Variants in CDK15 observed in about 807,000 individuals in gnomAD.
The protein encoded by CDK15 is cyclin-dependent kinase 15.
In CDK15, 62 loss-of-function variants were observed where a neutral mutation model predicts 60.3. The ratio of observed to expected loss-of-function variants is 1.03; its 90% CI spans 0.84 to 1.27. CDK15 has a LOEUF of 1.27. Ranked by LOEUF, CDK15 falls within the 50% of genes most tolerant of loss-of-function variation. CDK15 has a pLI of 0.00. For missense variants in CDK15, 541 were observed against 527.8 expected (o/e 1.03, Z -0.25); for synonymous variants, 194 against 195.7 (o/e 0.99, Z 0.07).
At position 201,859,475 on chromosome 2, in the gene CDK15, G is replaced by A. The variant is rs539202032; in HGVS notation, c.1009+4538G>A. On this transcript the variant is annotated intron_variant, in intron 10 of 13. Transcript: ENST00000652192. ...GGCTATGCCAAACCATACAGTGTAG[G>A]TTTCACCATCAGAACCAATAGAAAG... Among the ~76,000 whole-genome samples the A allele has an allele frequency of 2.0e-5, 3 of 152,280 alleles. No homozygotes were observed. The South Asian group carries it at 6.2e-4, about 32-fold the overall frequency.
intron 10 of CDK15, among the ~76,000 whole-genome samples, chr2:201,864,463 G>T (rs1698527987): frequency 1.3e-5 from 2 of 152,162 alleles, no homozygotes; most frequent in Admixed American, 1.3e-4. Context: ...GATAACAGGT[G>T]TGCGGCCCCA....
At chr2:201,814,293 T>C (rs1428756980) in intron 4 of CDK15, among the ~76,000 whole-genome samples, 1 of 152,232 alleles carries the variant, frequency 6.6e-6, no homozygotes, top group Non-Finnish European at 1.5e-5. Context: ...CCATCACAGG[T>C]GTTTACAATT....
Position 201,835,717 on chromosome 2 carries a change from G to A in CDK15, c.805G>A (p.Asp269Asn). The change falls in exon 8 of 14, where the codon GAT (aspartate) becomes AAT (asparagine). Residue 269 changes from aspartate (D) to asparagine (N), a missense_variant. Asp to Asn is a conservative substitution (Grantham distance 23). Coordinates refer to ENST00000652192, the MANE Select transcript of CDK15 (RefSeq NM_001366386.2). ...EVVTLWYRPP[D>N]ALLGATEYSS... ...CGTGACCCTCTGGTACCGGCCCCCT[G>A]ATGCTTTGCTGGGAGCCACTGAATA... 1.9e-6 allele frequency: 3 copies of A among 1,610,610 alleles called. No homozygotes were observed. Among genetic ancestry groups the A allele is most frequent in the South Asian group, 1.1e-5 (1 of 90,700 alleles).
At chr2:201,819,810 A>C (rs1156420343) in intron 4 of CDK15, among the ~76,000 whole-genome samples, 1 of 152,218 alleles carries the variant, frequency 6.6e-6, no homozygotes, top group Non-Finnish European at 1.5e-5. Context: ...CCGCAAAGAA[A>C]CTGTGGGTTG....
Position 201,875,473 on chromosome 2 carries a change from A to G in CDK15, c.1058+3147A>G, listed in dbSNP as rs547286163. On this transcript the variant is annotated intron_variant, in intron 11 of 13. Coordinates refer to ENST00000652192, the MANE Select transcript of CDK15 (RefSeq NM_001366386.2). Reference sequence around the variant, plus strand: ...TTCTAAGAATTTATCCTAAGGAAATATACACAAACCCACAAAGATTTCTCT... The same window carrying G: ...TTCTAAGAATTTATCCTAAGGAAATGTACACAAACCCACAAAGATTTCTCT... Among the ~76,000 whole-genome samples the G allele has an allele frequency of 9.8e-5, 15 of 152,356 alleles. 1 individual carries two copies. Among genetic ancestry groups the G allele is most frequent in the African/African-American group, 3.6e-4 (15 of 41,574 alleles).
intron 10 of CDK15, among the ~76,000 whole-genome samples, chr2:201,867,760 C>G (rs1206274173): frequency 1.3e-5 from 2 of 152,144 alleles, no homozygotes; most frequent in African/African-American, 4.8e-5. Context: ...GTATGCAGCT[C>G]CCTTTGAGAA....
intron 3 of CDK15, among the ~76,000 whole-genome samples, chr2:201,810,647 C>T (rs1011926184): frequency 4.0e-4 from 61 of 151,980 alleles, no homozygotes; most frequent in Admixed American, 4.0e-3. Flanking sequence ...GATAATATAC[C>T]TTCAAAGAGG....
At chr2:201,833,699 A>ATCTTCT (rs147493518) in intron 6 of CDK15, 149 bp from the exon 7 acceptor site, 6,174 of 292,098 alleles carry the variant, frequency 0.021, 102 homozygotes, top group African/African-American at 0.04. Flanking sequence ...GAATGTAAAA[A>ATCTTCT]TCTTCTTCTT....
chr2:201,890,466 G>T lies in CDK15; in HGVS notation c.1199-319G>T, dbSNP rs567606185. Among the ~76,000 whole-genome samples the T allele has an allele frequency of 2.0e-5, 3 of 152,310 alleles. No homozygotes were observed. The South Asian group carries it at 6.2e-4, about 32-fold the overall frequency. ...GAGGGAGAGGTTATCATAATCCTTT[G>T]TTTGTGCCTCACTTTTGGTCCTTCT... On this transcript the variant is annotated intron_variant, in intron 12 of 13. Transcript: ENST00000652192.
intron 8 of CDK15, among the ~76,000 whole-genome samples, chr2:201,837,600 G>A (rs914132266): frequency 3.3e-5 from 5 of 152,192 alleles, no homozygotes; most frequent in African/African-American, 9.6e-5. Flanking sequence ...TAGTGAGCAT[G>A]GGCTGTCAGA....
At chr2:201,826,253 G>A (rs923332025) in intron 6 of CDK15, among the ~76,000 whole-genome samples, 82 of 152,118 alleles carry the variant, frequency 5.4e-4, no homozygotes, top group Non-Finnish European at 1.1e-3. Flanking sequence ...AAGGTCAGGA[G>A]ATCAAGACCA....
intron 10 of CDK15, among the ~76,000 whole-genome samples, 189 bp from the exon 11 acceptor site, chr2:201,872,089 A>G (rs1197430464): frequency 6.6e-6 from 1 of 152,126 alleles, no homozygotes; most frequent in Non-Finnish European, 1.5e-5. Flanking sequence ...TCAACCCATA[A>G]TAGTGACCTT....
chr2:201,807,369 G>A, intron 1 of CDK15, 125 bp from the exon 2 acceptor site: 7 of 953,936 alleles, frequency 7.3e-6, no homozygotes, highest in Non-Finnish European at 1.1e-5. Context: ...TGCCTTTTGG[G>A]GGTACAGGAA....
chr2:201,835,000 C>T (rs769564534), intron 7 of CDK15, among the ~76,000 whole-genome samples: 20 of 152,158 alleles, frequency 1.3e-4, no homozygotes, highest in Non-Finnish European at 2.6e-4. Context: ...TAAGGTCCTA[C>T]CAAACTAATT....
At chr2:201,876,504 G>A (rs919127242) in intron 11 of CDK15, 166 of 1,071,434 alleles carry the variant, frequency 1.5e-4, no homozygotes, top group Non-Finnish European at 2.0e-4. Context: ...AGGGGAGACC[G>A]ACACACACTT....
rs1005601565 is a variant in CDK15 at position 201,890,662 on chromosome 2, G to A, written c.1199-123G>A. On this transcript the variant is annotated intron_variant, in intron 12 of 13. Coordinates refer to ENST00000652192, the MANE Select transcript of CDK15 (RefSeq NM_001366386.2). ...ATCTATGAGTCAGTATGAATTATTA[G>A]TAAATAAGTCTGGCTCATGTTTTGA... 5.0e-5 allele frequency: 33 copies of A among 662,250 alleles called. No individual in the cohort carries two copies. In the South Asian group the frequency reaches 6.9e-4, roughly 14 times the overall value. The allele number at this position is 662,250 out of a possible 1,614,324, so 41.0% of individuals were successfully genotyped here. A position where few individuals can be genotyped will look rare whatever the true frequency, so the allele number is the denominator to read the frequency against.
intron 9 of CDK15, among the ~76,000 whole-genome samples, chr2:201,854,131 A>G (rs1046927698): frequency 3.3e-5 from 5 of 152,094 alleles, no homozygotes; most frequent in Admixed American, 6.5e-5. Flanking sequence ...CCGAGATCGC[A>G]TCACTGCACT....
At chr2:201,891,253 T>A (rs1699631329) in intron 13 of CDK15, among the ~76,000 whole-genome samples, 1 of 152,142 alleles carries the variant, frequency 6.6e-6, no homozygotes, top group Non-Finnish European at 1.5e-5. Context: ...TGAGCCAAGA[T>A]CGCACCACTG....
chr2:201,889,375 AT>A (rs67408107), intron 12 of CDK15: 37,530 of 985,226 alleles, frequency 0.038, 1,929 homozygotes, highest in African/African-American at 0.22. Flanking sequence ...GCCTCTTGCT[AT>A]TTTTCTCAGA....
Sources: gnomAD v4.1 joint callset for allele counts (sites outside exome capture counted in the v4.1 genomes callset) on GRCh38, gnomAD v4.1.1 for gene constraint, MANE v1.5 for transcripts, NCBI Gene and HGNC (gene_info 2026-07-23, HGNC 2026-07-21) for gene names.